The following SEC62 variants were observed in gnomAD, a reference collection of about 807,000 sequenced individuals.
The protein encoded by SEC62 is SEC62 preprotein translocation factor, also known as translocation protein SEC62.
In SEC62, 10 loss-of-function variants were observed where a neutral mutation model predicts 47.5. That is an observed-to-expected ratio of 0.21 (90% CI 0.13 to 0.36). SEC62 has a LOEUF of 0.36. SEC62 is among the 10% of genes least tolerant of loss of function. The pLI is 1.00. For synonymous variants in SEC62, 136 were observed against 150.5 expected (o/e 0.90, Z 0.71); for missense variants, 327 against 464.1 (o/e 0.70, Z 2.71).
intron 3 of SEC62, among the ~76,000 whole-genome samples, chr3:169,981,645 A>G (rs1714976838): frequency 6.6e-6 from 1 of 152,210 alleles, no homozygotes; most frequent in African/African-American, 2.4e-5. Flanking sequence ...CTTTTAGATG[A>G]CAAAAATAAG....
At chr3:169,969,933 T>C (rs1372911334) in intron 1 of SEC62, among the ~76,000 whole-genome samples, 1 of 152,214 alleles carries the variant, frequency 6.6e-6, no homozygotes, top group Non-Finnish European at 1.5e-5. Flanking sequence ...CCCATCTGTC[T>C]TCCTGGCAAG....
chr3:169,975,739 G>GT (rs775826943), intron 2 of SEC62, 23 bp downstream of exon 2: 1 of 1,461,248 alleles, frequency 6.8e-7, no homozygotes, highest in South Asian at 1.1e-5. Context: ...CAGTAAAATC[G>GT]TATTAGTGTA....
At chr3:169,974,792 G>T (rs1246956659) in intron 1 of SEC62, among the ~76,000 whole-genome samples, 1 of 152,130 alleles carries the variant, frequency 6.6e-6, no homozygotes, top group Non-Finnish European at 1.5e-5. Context: ...AGTTCTTATG[G>T]CTACCACATT....
At chr3:169,977,172 T>C in intron 3 of SEC62, 121 bp downstream of exon 3, 1 of 542,492 alleles carries the variant, frequency 1.8e-6, no homozygotes, top group Non-Finnish European at 3.1e-6. Context: ...TGTTTTCACA[T>C]GTAACCTGAT....
chr3:169,967,903 A>G (rs1157239853), intron 1 of SEC62, among the ~76,000 whole-genome samples: 1 of 147,052 alleles, frequency 6.8e-6, no homozygotes, highest in Non-Finnish European at 1.5e-5. Context: ...AAGTTTATCG[A>G]TTTATTGGCG....
intron 1 of SEC62, among the ~76,000 whole-genome samples, chr3:169,974,743 G>C (rs1245296523): frequency 6.6e-6 from 1 of 152,170 alleles, no homozygotes; most frequent in Non-Finnish European, 1.5e-5. Flanking sequence ...GCAGCCACAG[G>C]GGGAAAGGAA....
At chr3:169,974,019 T>G (rs1714769109) in intron 1 of SEC62, among the ~76,000 whole-genome samples, 1 of 152,260 alleles carries the variant, frequency 6.6e-6, no homozygotes, top group African/African-American at 2.4e-5. Flanking sequence ...TTGTTGGTTG[T>G]TCTTTATTTT....
At chr3:169,990,148 G>A (rs1344232454) in intron 7 of SEC62, among the ~76,000 whole-genome samples, 2 of 151,148 alleles carry the variant, frequency 1.3e-5, no homozygotes, top group Non-Finnish European at 2.9e-5. Flanking sequence ...GTTGCCCAGG[G>A]TAAAGTACCA....
chr3:169,986,510 T>C (rs1715110992), intron 6 of SEC62, among the ~76,000 whole-genome samples: 1 of 152,152 alleles, frequency 6.6e-6, no homozygotes, highest in Non-Finnish European at 1.5e-5. Flanking sequence ...TGCACAAACG[T>C]ACATGTGCAA....
chr3:169,986,098 TAAAG>T (rs1715100475), intron 6 of SEC62, among the ~76,000 whole-genome samples: 1 of 152,278 alleles, frequency 6.6e-6, no homozygotes, highest in East Asian at 1.9e-4. Context: ...AGTTAACAGA[TAAAG>T]AAATACAATG....
At chr3:169,973,020 G>A (rs1051330599) in intron 1 of SEC62, among the ~76,000 whole-genome samples, 1 of 152,170 alleles carries the variant, frequency 6.6e-6, no homozygotes, top group African/African-American at 2.4e-5. Flanking sequence ...AATTGAGCAT[G>A]TGTGGTGTGA....
intron 5 of SEC62, 170 bp downstream of exon 5, chr3:169,983,423 A>G: frequency 2.3e-6 from 1 of 435,846 alleles, no homozygotes; most frequent in East Asian, 3.9e-5. Context: ...TTAGATTTTT[A>G]AAAGTCAGAT....
Position 169,992,553 on chromosome 3 carries a change from G to A in SEC62, c.731-41G>A. 7.3e-7 allele frequency: 1 copy of A among 1,366,536 alleles called. No homozygotes were observed. The highest frequency in any genetic ancestry group is 1.2e-5 in the South Asian group (1 of 80,202). 84.7% of individuals were successfully genotyped at this position (1,366,536 alleles called of 1,614,324 possible). On this transcript the variant is annotated intron_variant, in intron 7 of 7. Transcript: ENST00000337002. The surrounding 1 kb of genome is among the most constrained non-coding windows in gnomAD (Gnocchi z 4.0). Reference sequence around the variant, plus strand: ...TTAACAAATACTCCCTTCTGAGGCAGTGTTTGAATTACTCAATTAGAGAAA... The same window carrying A: ...TTAACAAATACTCCCTTCTGAGGCAATGTTTGAATTACTCAATTAGAGAAA...
At chr3:169,976,509 C>G (rs1714842382) in intron 2 of SEC62, among the ~76,000 whole-genome samples, 1 of 152,176 alleles carries the variant, frequency 6.6e-6, no homozygotes, top group Admixed American at 6.5e-5. Flanking sequence ...ATATGTTTAG[C>G]TGTTTCTTGT....
At chr3:169,988,574 A>G (rs1324233387) in intron 7 of SEC62, among the ~76,000 whole-genome samples, 2 of 152,176 alleles carry the variant, frequency 1.3e-5, no homozygotes, top group African/African-American at 4.8e-5. Context: ...AAATTTTTTA[A>G]TAAGATTATT....
In SEC62 at chr3:169,992,826, G is replaced by T. The variant is rs34352823; in HGVS notation, c.963G>T (p.Glu321Asp). 33 of 1,613,930 alleles carry T rather than the reference G, an allele frequency of 2.0e-5. No homozygotes were observed. The South Asian group carries it at 3.4e-4, about 17-fold the overall frequency. The change falls in exon 8 of 8, where the codon GAG becomes GAT. Residue 321 changes from glutamate (E) to aspartate (D), a missense_variant. Glu to Asp is a conservative substitution (Grantham distance 45). This residue lies in a region of SEC62 where 102 missense variants were observed against 108.8 expected (regional missense o/e 0.94). Coordinates refer to ENST00000337002, the MANE Select transcript of SEC62 (RefSeq NM_003262.4). The surrounding 1 kb of genome is among the most constrained non-coding windows in gnomAD (Gnocchi z 4.0). ...EKSDSEKKED[E>D]EGKVGPGNHG... is the part of the protein sequence containing the mutation. Reference sequence around the variant, plus strand: ...CAGACAGTGAGAAAAAGGAAGATGAGGAGGGGAAAGTAGGACCAGGAAATC... The same window carrying T: ...CAGACAGTGAGAAAAAGGAAGATGATGAGGGGAAAGTAGGACCAGGAAATC...
chr3:169,992,797 A>G lies in SEC62; in HGVS notation c.934A>G (p.Lys312Glu), dbSNP rs1316899031. ...KKQQKSDSEE[K>E]SDSEKKEDEE... ...GCAACAGAAGTCCGACAGTGAGGAA[A>G]AGTCAGACAGTGAGAAAAAGGAAGA... is the stretch of plus-strand genomic sequence containing the variant. The change falls in exon 8 of 8, where the codon AAG becomes GAG. Residue 312 changes from lysine to glutamate, a missense_variant. Physicochemically the swap from Lys to Glu is moderately conservative, Grantham distance 56. Around this residue, in one of 3 missense-constraint regions of SEC62, gnomAD observed 102 missense variants for 108.8 expected, o/e 0.94. Coordinates refer to ENST00000337002, the MANE Select transcript of SEC62 (RefSeq NM_003262.4). This position sits in a 1 kb window ranked among gnomAD's most constrained non-coding sequence, Gnocchi z 4.0. 2 of 1,614,158 alleles carry G rather than the reference A, an allele frequency of 1.2e-6. No individual in the cohort carries two copies. The highest frequency in any genetic ancestry group is 1.1e-5 in the South Asian group (1 of 91,082).
intron 2 of SEC62, 121 bp from the exon 3 acceptor site, chr3:169,976,825 C>T: frequency 1.8e-6 from 1 of 541,556 alleles, no homozygotes; most frequent in South Asian, 3.7e-5. Flanking sequence ...ATTTAGTTTT[C>T]TGTTGAGTTT....
At chr3:169,975,838 G>A (rs1344069492) in intron 2 of SEC62, 122 bp downstream of exon 2, 2 of 567,012 alleles carry the variant, frequency 3.5e-6, no homozygotes, top group Non-Finnish European at 6.5e-6. Flanking sequence ...TGGACATATG[G>A]CAGTTGATTA....
Sources: allele counts gnomAD v4.1 joint callset (sites outside exome capture counted in the v4.1 genomes callset), GRCh38; gene constraint gnomAD v4.1.1; regional missense constraint gnomAD v4.1.1; non-coding constraint Gnocchi (gnomAD v3.1); transcripts MANE v1.5; gene names NCBI Gene and HGNC (gene_info 2026-07-23, HGNC 2026-07-21).